The following TMEM98 variants were observed in gnomAD, a reference collection of about 807,000 sequenced individuals.
TMEM98 encodes transmembrane protein 98.
TMEM98 carries 18 observed loss-of-function variants against 25.0 expected under a neutral mutation model. That is an observed-to-expected ratio of 0.72 (90% CI 0.50 to 1.07). The LOEUF (loss-of-function observed/expected upper bound fraction) is 1.07, where lower values mean the gene tolerates loss of function less well. Among genes scored for constraint, TMEM98 ranks in the 50% least tolerant of loss-of-function variants. The pLI is 0.00. For synonymous variants in TMEM98, 103 were observed against 112.4 expected (o/e 0.92, Z 0.53); for missense variants, 241 against 289.0 (o/e 0.83, Z 1.20).
chr17:32,936,178 C>T (rs1036226758), intron 5 of TMEM98, among the ~76,000 whole-genome samples, 154 bp from the exon 6 acceptor site: 3 of 152,092 alleles, frequency 2.0e-5, no homozygotes, highest in Non-Finnish European at 2.9e-5. Flanking sequence ...ACTTCCCACC[C>T]GTTTCCTCTC....
intron 6 of TMEM98, among the ~76,000 whole-genome samples, chr17:32,938,762 GA>G: frequency 6.6e-6 from 1 of 152,208 alleles, no homozygotes; most frequent in South Asian, 2.1e-4. Flanking sequence ...CCAATTGTAG[GA>G]AAAAACCACT....
rs929263562 is a variant in TMEM98 at position 32,931,560 on chromosome 17, T to G, written c.32T>G (p.Val11Gly). METVVIVAIG[V>G]LATIFLASFA... The stretch of plus-strand genomic sequence containing the variant: ...ACTGTGGTGATTGTTGCCATAGGTG[T>G]GCTGGCCACCATCTTTCTGGCTTCG... Residue 11 changes from valine (V) to glycine (G), a missense_variant, in exon 3 of 8, where the codon GTG (valine) becomes GGG (glycine). Physicochemically the swap from Val to Gly is moderately radical, Grantham distance 109. Transcript: ENST00000579849. 2.1e-5 allele frequency: 34 copies of G among 1,605,390 alleles called. No individual in the cohort carries two copies. Among genetic ancestry groups the G allele is most frequent in the Non-Finnish European group, 2.9e-5 (34 of 1,176,298 alleles).
At chr17:32,930,420 TTTCA>T (rs1009567995) in intron 1 of TMEM98, among the ~76,000 whole-genome samples, 20 of 152,296 alleles carry the variant, frequency 1.3e-4, no homozygotes, top group Non-Finnish European at 2.2e-4. Flanking sequence ...CACGGACTTC[TTTCA>T]TTCTTCTTTT....
rs561352600 is a variant in TMEM98, at chr17:32,942,564, C to A, written c.*1571C>A. The A allele has an allele frequency of 2.0e-5, 3 of 152,202 alleles. No individual in the cohort carries two copies. The highest frequency in any genetic ancestry group is 4.4e-5 in the Non-Finnish European group (3 of 68,040). The allele number at this position is 152,202 out of a possible 1,614,324, so 9.4% of individuals were successfully genotyped here. A position where few individuals can be genotyped will look rare whatever the true frequency, so the allele number is the denominator to read the frequency against. Reference sequence around the variant, plus strand: ...TTTCATTCTTTCCAGGAAAACAGGCCACTTCCAACCTGCACAATGTACACC... The same window carrying A: ...TTTCATTCTTTCCAGGAAAACAGGCAACTTCCAACCTGCACAATGTACACC... On this transcript the variant is annotated 3_prime_UTR_variant, in exon 8 of 8. Coordinates refer to ENST00000579849, the MANE Select transcript of TMEM98 (RefSeq NM_015544.3).
rs537453443 is a variant in TMEM98 at position 32,940,671 on chromosome 17, C to T, written c.474-115C>T. The stretch of plus-strand genomic sequence containing the variant: ...TTTAAATTGCATACCTACCAACATC[C>T]TAGGGAAGGGTGTGCAGTTTGGGGA... On this transcript the variant is annotated intron_variant, in intron 7 of 7. Transcript: ENST00000579849. 1.4e-5 allele frequency: 14 copies of T among 987,828 alleles called. No homozygotes were observed. The South Asian group carries it at 2.1e-4, about 15-fold the overall frequency. 61.2% of individuals were successfully genotyped at this position (987,828 alleles called of 1,614,324 possible).
chr17:32,931,824 T>C (rs745451758), intron 3 of TMEM98, among the ~76,000 whole-genome samples, 165 bp downstream of exon 3: 31 of 152,212 alleles, frequency 2.0e-4, no homozygotes, highest in Non-Finnish European at 4.0e-4. Flanking sequence ...AGAATGTTCC[T>C]TAAGCCTCCC....
intron 7 of TMEM98, among the ~76,000 whole-genome samples, chr17:32,940,299 A>AT (rs551419867): frequency 1.2e-3 from 174 of 147,842 alleles, no homozygotes; most frequent in African/African-American, 3.6e-3. Context: ...TTTCAGTTAC[A>AT]TTTTTTTTTT....
chr17:32,942,546 C>G lies in TMEM98; in HGVS notation c.*1553C>G, dbSNP rs932578191. The G allele has an allele frequency of 1.3e-5, 2 of 152,212 alleles. No homozygotes were observed. The highest frequency in any genetic ancestry group is 4.8e-5 in the African/African-American group (2 of 41,448). 9.4% of individuals were successfully genotyped at this position (152,212 alleles called of 1,614,324 possible). ...TCTTTCCATTTGGGCACATTTCATT[C>G]TTTCCAGGAAAACAGGCCACTTCCA... On this transcript the variant is annotated 3_prime_UTR_variant, in exon 8 of 8. Transcript: ENST00000579849.
chr17:32,934,139 G>T (rs1305736513), intron 4 of TMEM98, 152 bp from the exon 5 acceptor site: 4 of 769,782 alleles, frequency 5.2e-6, no homozygotes, highest in South Asian at 4.9e-5. Context: ...TAACTCATGG[G>T]CTGGTTCATG....
At position 32,938,242 on chromosome 17, in the gene TMEM98, G is replaced by A. The variant is rs115418832; in HGVS notation, c.414-1235G>A. Among the ~76,000 whole-genome samples the A allele has an allele frequency of 9.6e-3, 1,454 of 152,196 alleles. 22 individuals are homozygous for A. The highest frequency in any genetic ancestry group is 0.033 in the African/African-American group (1,389 of 41,536). Reference sequence around the variant, plus strand: ...TTCTTTCTCCTTCTGGCCATGTTTTGTCCCCATTGTTTTTCCTGCTCCATT... The same window carrying A: ...TTCTTTCTCCTTCTGGCCATGTTTTATCCCCATTGTTTTTCCTGCTCCATT... On this transcript the variant is annotated intron_variant, in intron 6 of 7. Transcript: ENST00000579849.
At chr17:32,933,763 A>G (rs146354016) in intron 4 of TMEM98, among the ~76,000 whole-genome samples, 2 of 152,330 alleles carry the variant, frequency 1.3e-5, no homozygotes, top group Non-Finnish European at 2.9e-5. Flanking sequence ...GTACTGGGTC[A>G]GGTGCTGCAG....
chr17:32,940,622 A>G (rs1007971551), intron 7 of TMEM98, among the ~76,000 whole-genome samples, 164 bp from the exon 8 acceptor site: 5 of 152,150 alleles, frequency 3.3e-5, no homozygotes, highest in Admixed American at 3.3e-4. Context: ...GCCATCTCCA[A>G]ATTTATTTGA....
In TMEM98 at chr17:32,941,117, G is replaced by A; in HGVS notation, c.*124G>A. On this transcript the variant is annotated 3_prime_UTR_variant, in exon 8 of 8. Coordinates refer to ENST00000579849, the MANE Select transcript of TMEM98 (RefSeq NM_015544.3). The stretch of plus-strand genomic sequence containing the variant: ...ACGGCTGGAGAGTTCAGCTGTGTGT[G>A]CATAGTAAAGCAGGAGATCCCCGTC... 1.2e-6 allele frequency: 1 copy of A among 829,278 alleles called. No individual in the cohort carries two copies. Among genetic ancestry groups the A allele is most frequent in the Non-Finnish European group, 1.8e-6 (1 of 546,328 alleles). 51.4% of individuals were successfully genotyped at this position (829,278 alleles called of 1,614,324 possible).
intron 6 of TMEM98, among the ~76,000 whole-genome samples, chr17:32,938,518 T>C (rs1447945453): frequency 6.6e-6 from 1 of 152,218 alleles, no homozygotes. Flanking sequence ...AGCAAAACCT[T>C]GTGCCACGCA....
intron 5 of TMEM98, 146 bp downstream of exon 5, chr17:32,934,470 A>T: frequency 1.2e-6 from 1 of 816,256 alleles, no homozygotes; most frequent in Non-Finnish European, 2.0e-6. Flanking sequence ...TTTGTGGTTT[A>T]CTTCCCCCCC....
chr17:32,934,090 G>C, intron 4 of TMEM98, among the ~76,000 whole-genome samples: 1 of 152,172 alleles, frequency 6.6e-6, no homozygotes, highest in Non-Finnish European at 1.5e-5. Flanking sequence ...GAGTGGATTG[G>C]GTGCAGGGAG....
At chr17:32,929,356 G>A (rs951175405) in intron 1 of TMEM98, among the ~76,000 whole-genome samples, 2 of 152,056 alleles carry the variant, frequency 1.3e-5, no homozygotes, top group African/African-American at 4.8e-5. Context: ...CACTCAGAAC[G>A]CACAGGAAGA....
chr17:32,933,041 T>C, intron 3 of TMEM98, 133 bp from the exon 4 acceptor site: 1 of 1,326,914 alleles, frequency 7.5e-7, no homozygotes, highest in Non-Finnish European at 1.0e-6. Context: ...TAGGTTTGGA[T>C]CCGGGACAAG....
At chr17:32,933,378 C>A in intron 4 of TMEM98, 73 bp downstream of exon 4, 1 of 1,589,496 alleles carries the variant, frequency 6.3e-7, no homozygotes, top group Non-Finnish European at 8.6e-7. Flanking sequence ...TTTGCCAGAG[C>A]ACTTAGCTGG....
Sources: allele counts gnomAD v4.1 joint callset (sites outside exome capture counted in the v4.1 genomes callset), GRCh38; gene constraint gnomAD v4.1.1; transcripts MANE v1.5; gene names NCBI Gene and HGNC (gene_info 2026-07-23, HGNC 2026-07-21).